SPATA31H1: variants seen among roughly 807,000 people sequenced by gnomAD.
SPATA31H1 encodes the protein spermatogenesis-associated protein 31H1.
the SPATA31H1 span, chr2:27,577,975 T>G: frequency 6.2e-7 from 1 of 1,614,144 alleles, no homozygotes; most frequent in Non-Finnish European, 8.5e-7. This position sits in a 1 kb window ranked among gnomAD's most constrained non-coding sequence, Gnocchi z 4.5. Context: ...CCAGGACCAC[T>G]GGGTCGAATT....
chr2:27,541,224 CA>C, the SPATA31H1 span, among the ~76,000 whole-genome samples: 234 of 151,704 alleles, frequency 1.5e-3, 5 homozygotes, highest in African/African-American at 5.5e-3. Context: ...CCGTCTCCAC[CA>C]AAAAAAACAT....
chr2:27,578,313 G>A, the SPATA31H1 span: 2 of 1,614,034 alleles, frequency 1.2e-6, no homozygotes, highest in African/African-American at 2.7e-5. Context: ...GGAAACAGTG[G>A]AGTTGACAGG....
At chr2:27,564,997 G>C in the SPATA31H1 span, among the ~76,000 whole-genome samples, 17 of 151,802 alleles carry the variant, frequency 1.1e-4, no homozygotes, top group African/African-American at 3.6e-4. Flanking sequence ...AAGTGCACCT[G>C]ACAATCATGA....
chr2:27,575,199 C>A, the SPATA31H1 span: 1 of 398,416 alleles, frequency 2.5e-6, no homozygotes, highest in Admixed American at 4.4e-5. This position sits in a 1 kb window ranked among gnomAD's most constrained non-coding sequence, Gnocchi z 4.1. Flanking sequence ...CCCAGAATTG[C>A]AGGTTGCAAA....
chr2:27,561,695 G>T, the SPATA31H1 span, among the ~76,000 whole-genome samples: 1 of 151,908 alleles, frequency 6.6e-6, no homozygotes, highest in African/African-American at 2.4e-5. Context: ...TAATGAGCCA[G>T]TTTTCCCATA....
At chr2:27,579,093 C>T in the SPATA31H1 span, 1 of 1,614,184 alleles carries the variant, frequency 6.2e-7, no homozygotes, top group Non-Finnish European at 8.5e-7. Context: ...ACTTCAGAGA[C>T]ATCTACCACA....
chr2:27,539,101 CTTTTTTTTTT>C, the SPATA31H1 span, among the ~76,000 whole-genome samples: 5 of 94,618 alleles, frequency 5.3e-5, no homozygotes, highest in South Asian at 4.2e-4. Flanking sequence ...TCATCATTTT[CTTTTTTTTTT>C]TTTTTTTTTT....
the SPATA31H1 span, chr2:27,575,699 T>C: frequency 5.1e-4 from 202 of 398,530 alleles, 1 homozygote; most frequent in South Asian, 0.016. This position sits in a 1 kb window ranked among gnomAD's most constrained non-coding sequence, Gnocchi z 4.1. Flanking sequence ...GTGGGCTACC[T>C]TTGCAAGGTG....
the SPATA31H1 span, among the ~76,000 whole-genome samples, chr2:27,555,469 TGAGACCAGCATGGGAAACACAGTA>T: frequency 6.6e-6 from 1 of 151,486 alleles, no homozygotes; most frequent in South Asian, 2.1e-4. Flanking sequence ...GCCAGCAGTT[TGAGACCAGCATGGGAAACACAGTA>T]AGATCCCATC....
chr2:27,582,017 C>G, the SPATA31H1 span: 3 of 1,613,870 alleles, frequency 1.9e-6, no homozygotes, highest in Non-Finnish European at 2.5e-6. Context: ...GGAGCCGTCA[C>G]AGTCTCTTGG....
At chr2:27,538,259 G>A in the SPATA31H1 span, among the ~76,000 whole-genome samples, 1 of 152,166 alleles carries the variant, frequency 6.6e-6, no homozygotes, top group Non-Finnish European at 1.5e-5. Context: ...TCTGTGCTTT[G>A]AGGAGCACTT....
At chr2:27,567,538 C>T in the SPATA31H1 span, 1 of 403,670 alleles carries the variant, frequency 2.5e-6, no homozygotes, top group Non-Finnish European at 4.4e-6. Context: ...AGCACAGAAA[C>T]AAAACTTTCA....
At chr2:27,580,954 A>C in the SPATA31H1 span, 1 of 1,614,092 alleles carries the variant, frequency 6.2e-7, no homozygotes, top group African/African-American at 1.3e-5. Context: ...ACAGATTCCC[A>C]AAGTGGTATT....
chr2:27,540,433 GC>G, the SPATA31H1 span, among the ~76,000 whole-genome samples: 1 of 123,508 alleles, frequency 8.1e-6, no homozygotes, highest in African/African-American at 3.2e-5. Flanking sequence ...GGGGCGACTG[GC>G]CGGGCAGAGG....
the SPATA31H1 span, among the ~76,000 whole-genome samples, chr2:27,544,609 G>A: frequency 1.5e-5 from 2 of 132,570 alleles, no homozygotes; most frequent in Non-Finnish European, 3.2e-5. Context: ...ATCTTGGCTC[G>A]CTGCAGCCTC....
the SPATA31H1 span, among the ~76,000 whole-genome samples, chr2:27,552,682 G>A: frequency 6.6e-6 from 1 of 151,902 alleles, no homozygotes; most frequent in Non-Finnish European, 1.5e-5. Context: ...GGGGAATATT[G>A]CCATTTTAAT....
At chr2:27,577,064 AC>A in the SPATA31H1 span, 1 of 1,614,062 alleles carries the variant, frequency 6.2e-7, no homozygotes, top group African/African-American at 1.3e-5. This position sits in a 1 kb window ranked among gnomAD's most constrained non-coding sequence, Gnocchi z 4.5. Context: ...CAGAAATGGC[AC>A]AAGGATTGGC....
the SPATA31H1 span, chr2:27,582,001 T>C: frequency 3.8e-6 from 6 of 1,587,270 alleles, no homozygotes; most frequent in African/African-American, 3.0e-5. Flanking sequence ...CACAGTCCCT[T>C]GGAGAGGAGC....
the SPATA31H1 span, among the ~76,000 whole-genome samples, chr2:27,554,899 C>A: frequency 2.6e-5 from 4 of 151,878 alleles, no homozygotes; most frequent in Admixed American, 2.6e-4. Flanking sequence ...TGTAAGGACA[C>A]TAATCCCATT....
Sources: allele counts gnomAD v4.1 joint callset (sites outside exome capture counted in the v4.1 genomes callset), GRCh38; gene constraint gnomAD v4.1.1; non-coding constraint Gnocchi (gnomAD v3.1); transcripts MANE v1.5; gene names NCBI Gene and HGNC (gene_info 2026-07-23, HGNC 2026-07-21).